Variants in RBM20 observed in about 807,000 individuals in gnomAD.
The protein encoded by RBM20 is RNA-binding protein 20.
RBM20 carries 51 observed loss-of-function variants against 110.1 expected under a neutral mutation model. The observed-to-expected ratio is 0.46, with a 90% CI of 0.37 to 0.59. The LOEUF is 0.59. Ranked by LOEUF, RBM20 falls within the 20% of genes least tolerant of loss-of-function variation. The pLI is 0.00. For missense variants in RBM20, 1,512 were observed against 1,574.9 expected (o/e 0.96, Z 0.68); for synonymous variants, 589 against 618.2 (o/e 0.95, Z 0.70).
chr10:110,683,595 A>G (rs1186398682), intron 1 of RBM20, among the ~76,000 whole-genome samples: 1 of 152,252 alleles, frequency 6.6e-6, no homozygotes, highest in Non-Finnish European at 1.5e-5. Flanking sequence ...GTGAAGAGTT[A>G]AAGCGAATTG....
At chr10:110,780,770 G>C in intron 1 of RBM20, 31 bp from the exon 2 acceptor site, 3 of 1,476,112 alleles carry the variant, frequency 2.0e-6, no homozygotes, top group Non-Finnish European at 2.7e-6. Context: ...TTGAAAACCA[G>C]CTGTGCATCT....
intron 2 of RBM20, 86 bp from the exon 3 acceptor site, chr10:110,783,280 C>A: frequency 9.5e-7 from 1 of 1,048,010 alleles, no homozygotes; most frequent in Non-Finnish European, 1.4e-6. Flanking sequence ...TCTGTGCTCC[C>A]TGCCTGACCA....
intron 1 of RBM20, among the ~76,000 whole-genome samples, chr10:110,698,458 G>C (rs1329102790): frequency 1.3e-5 from 2 of 152,214 alleles, no homozygotes; most frequent in Non-Finnish European, 2.9e-5. Context: ...GCCTGTCCTT[G>C]AGGGCCCATC....
intron 1 of RBM20, among the ~76,000 whole-genome samples, chr10:110,718,546 T>A (rs1843462278): frequency 7.1e-6 from 1 of 140,004 alleles, no homozygotes; most frequent in Non-Finnish European, 1.6e-5. Context: ...TATTCTTCTA[T>A]AACTTTTTTA....
chr10:110,726,239 C>T (rs1843559262), intron 1 of RBM20, among the ~76,000 whole-genome samples: 1 of 152,178 alleles, frequency 6.6e-6, no homozygotes, highest in Non-Finnish European at 1.5e-5. Context: ...CTGTGGGTGT[C>T]TCTGTCCTAG....
intron 1 of RBM20, among the ~76,000 whole-genome samples, chr10:110,693,307 A>G (rs1158136873): frequency 6.6e-6 from 1 of 152,106 alleles, no homozygotes; most frequent in East Asian, 1.9e-4. Flanking sequence ...CTTCTCATCA[A>G]ATTTTTGGAA....
Position 110,769,516 on chromosome 10 carries a change from T to C in RBM20, c.192-11285T>C, listed in dbSNP as rs142675504. The stretch of plus-strand genomic sequence containing the variant: ...AGGTTCCCTGAACCTTGAGTGTTTT[T>C]ATTACAGCAGCCCAAATGTTCTGAA... On this transcript the variant is annotated intron_variant, in intron 1 of 13. Coordinates refer to ENST00000369519, the MANE Select transcript of RBM20 (RefSeq NM_001134363.3). Among the ~76,000 whole-genome samples, 17 of 152,320 alleles carry C rather than the reference T, an allele frequency of 1.1e-4. No individual in the cohort carries two copies. The East Asian group carries it at 3.1e-3, about 28-fold the overall frequency.
At position 110,821,479 on chromosome 10, in the gene RBM20, G is replaced by C. The variant is rs1554843534; in HGVS notation, c.2860G>C (p.Asp954His). 1 of 1,551,920 alleles carries C rather than the reference G, an allele frequency of 6.4e-7. No individual in the cohort carries two copies. Among genetic ancestry groups the C allele is most frequent in the African/African-American group, 1.4e-5 (1 of 73,190 alleles). Residue 954 changes from aspartate to histidine, a missense_variant, in exon 11 of 14, where the codon GAC becomes CAC. By Grantham distance (81) the Asp-to-His change is moderately conservative (BLOSUM62 -1). Coordinates refer to ENST00000369519, the MANE Select transcript of RBM20 (RefSeq NM_001134363.3). ...ETCLCVTTTL[D>H]LDLAQDFPKE... is the part of the protein sequence containing the mutation. ...ATGTCTGTGTGTGACAACCACCTTAGACTTAGACCTGGCCCAGGATTTCCC... is the reference window on the plus strand; with the variant it reads ...ATGTCTGTGTGTGACAACCACCTTACACTTAGACCTGGCCCAGGATTTCCC...
At position 110,781,293 on chromosome 10, in the gene RBM20, C is replaced by T; in HGVS notation, c.684C>T (p.Phe228=). The T allele has an allele frequency of 6.4e-7, 1 of 1,551,700 alleles. No individual in the cohort carries two copies. Among genetic ancestry groups the T allele is most frequent in the Non-Finnish European group, 8.7e-7 (1 of 1,146,996 alleles). The change falls in exon 2 of 14, where the codon TTC becomes TTT. Residue 228 remains phenylalanine (F), a synonymous_variant. Transcript: ENST00000369519. The part of the protein sequence containing the change: ...KTGPAPATAG[F]YEYGKASSGQ... ...GGCCTGCTCCAGCTACAGCAGGATT[C>T]TATGAGTATGGCAAAGCCAGCTCTG...
Position 110,751,633 on chromosome 10 carries a change from G to A in RBM20, c.192-29168G>A, listed in dbSNP as rs79754691. The stretch of plus-strand genomic sequence containing the variant: ...TTGGATAAATCATTTAACTTCATTA[G>A]ACTTCAATTGCATCATCCATAAATG... On this transcript the variant is annotated intron_variant, in intron 1 of 13. Coordinates refer to ENST00000369519, the MANE Select transcript of RBM20 (RefSeq NM_001134363.3). Among the ~76,000 whole-genome samples the A allele has an allele frequency of 1.4e-3, 207 of 152,250 alleles. 2 individuals are homozygous for A. The East Asian group carries it at 0.023, about 17-fold the overall frequency.
chr10:110,794,319 A>G (rs909498084), intron 5 of RBM20, among the ~76,000 whole-genome samples: 2 of 152,252 alleles, frequency 1.3e-5, no homozygotes, highest in African/African-American at 4.8e-5. Flanking sequence ...TTGATGAACC[A>G]TCCTAAATAA....
intron 1 of RBM20, among the ~76,000 whole-genome samples, chr10:110,744,502 C>G (rs1171341165): frequency 4.6e-5 from 7 of 152,198 alleles, no homozygotes; most frequent in Non-Finnish European, 1.0e-4. Context: ...AAGTGTGGTC[C>G]TGCACCAGCA....
intron 1 of RBM20, among the ~76,000 whole-genome samples, chr10:110,645,722 T>C (rs961453113): frequency 2.6e-5 from 4 of 152,200 alleles, no homozygotes; most frequent in African/African-American, 7.2e-5. Flanking sequence ...ATAGAAAGAA[T>C]TGTGAAAATT....
chr10:110,701,839 G>A (rs1207769333), intron 1 of RBM20, among the ~76,000 whole-genome samples: 1 of 152,204 alleles, frequency 6.6e-6, no homozygotes, highest in Non-Finnish European at 1.5e-5. Flanking sequence ...CCCAGGGTCC[G>A]CACTGGCCAG....
At chr10:110,661,902 T>G (rs963550258) in intron 1 of RBM20, among the ~76,000 whole-genome samples, 4 of 151,780 alleles carry the variant, frequency 2.6e-5, no homozygotes, top group African/African-American at 7.3e-5. Flanking sequence ...TCCAAGCTAC[T>G]TGGGAGGCTG....
intron 10 of RBM20, 27 bp from the exon 11 acceptor site, chr10:110,821,248 T>C: frequency 6.5e-7 from 1 of 1,542,010 alleles, no homozygotes; most frequent in East Asian, 2.5e-5. Context: ...AACCACCCTC[T>C]GACCTCCATT....
At chr10:110,816,827 C>G (rs1844846566) in intron 9 of RBM20, among the ~76,000 whole-genome samples, 1 of 152,224 alleles carries the variant, frequency 6.6e-6, no homozygotes, top group South Asian at 2.1e-4. Context: ...ACCCTGCTTT[C>G]TTCTGCCTCA....
At chr10:110,818,904 C>A (rs766835440) in intron 9 of RBM20, among the ~76,000 whole-genome samples, 4 of 152,238 alleles carry the variant, frequency 2.6e-5, no homozygotes, top group Non-Finnish European at 2.9e-5. Context: ...GTGCAGTAGA[C>A]TTCAGCAAAG....
At chr10:110,787,188 G>C (rs1325084395) in intron 5 of RBM20, among the ~76,000 whole-genome samples, 1 of 152,218 alleles carries the variant, frequency 6.6e-6, no homozygotes, top group Non-Finnish European at 1.5e-5. Flanking sequence ...TTTCCATCCA[G>C]CTTGTGTAAT....
Sources: gnomAD v4.1 joint callset for allele counts (sites outside exome capture counted in the v4.1 genomes callset) on GRCh38, gnomAD v4.1.1 for gene constraint, MANE v1.5 for transcripts, NCBI Gene and HGNC (gene_info 2026-07-23, HGNC 2026-07-21) for gene names.